The following FBXL13 variants were observed in gnomAD, a reference collection of about 807,000 sequenced individuals.
FBXL13 encodes the protein F-box and leucine rich repeat protein 13.
FBXL13 carries 67 observed loss-of-function variants against 83.6 expected under a neutral mutation model. That is an observed-to-expected ratio of 0.80 (90% CI 0.66 to 0.98). The LOEUF (loss-of-function observed/expected upper bound fraction) is 0.98, where lower values mean the gene tolerates loss of function less well. Among genes scored for constraint, FBXL13 ranks in the 50% least tolerant of loss-of-function variants. The probability of loss-of-function intolerance (pLI) is 0.00; values close to 1 mark genes in which losing one functional copy is unlikely to be tolerated. For synonymous variants in FBXL13, 272 were observed against 299.5 expected, an observed-to-expected ratio of 0.91 and a Z score of 0.95; for missense variants, 822 against 866.5, an observed-to-expected ratio of 0.95 and a Z score of 0.64.
In FBXL13 at chr7:102,915,984, C is replaced by CT. The variant is rs1167962491; in HGVS notation, c.879-2770dup. Among the ~76,000 whole-genome samples the CT allele has an allele frequency of 3.1e-3, 448 of 143,944 alleles. 7 individuals carry two copies. The East Asian group carries it at 0.043, about 14-fold the overall frequency. 94.4% of individuals were successfully genotyped at this position (143,944 alleles called of 152,430 possible). On this transcript the variant is annotated intron_variant, in intron 10 of 19. Coordinates refer to ENST00000313221, the Ensembl canonical transcript of FBXL13. ...TAATAAAAGTAGAGATGAGTTTCTTCTTTTTTTTTTTTTGTTTGAGACGGA... is the reference window on the plus strand; with the variant it reads ...TAATAAAAGTAGAGATGAGTTTCTTCTTTTTTTTTTTTTTGTTTGAGACGGA...
intron 2 of FBXL13, among the ~76,000 whole-genome samples, chr7:103,050,563 A>G (rs1200731084): frequency 1.3e-5 from 2 of 152,152 alleles, no homozygotes; most frequent in Admixed American, 1.3e-4. Context: ...GTTTCAACAC[A>G]TGGTCTCTGG....
At chr7:102,833,076 A>G (rs1801002306) in intron 17 of FBXL13, 102 bp from the exon 19 acceptor site, 6 of 1,256,876 alleles carry the variant, frequency 4.8e-6, no homozygotes, top group Admixed American at 2.5e-5. Flanking sequence ...CCTGAAATAC[A>G]GATGTTAGAT....
chr7:102,922,773 C>A (rs578140470), intron 10 of FBXL13, among the ~76,000 whole-genome samples: 2 of 151,978 alleles, frequency 1.3e-5, no homozygotes, highest in Admixed American at 6.6e-5. Context: ...GAGATCGAGA[C>A]CATCCTGGCT....
At chr7:102,872,528 C>T (rs780598365) in intron 16 of FBXL13, among the ~76,000 whole-genome samples, 1 of 152,204 alleles carries the variant, frequency 6.6e-6, no homozygotes, top group Non-Finnish European at 1.5e-5. Context: ...TGGGACACTG[C>T]CGTGACTCAC....
At chr7:102,936,293 G>A (rs1184657351) in intron 8 of FBXL13, 1 of 152,228 alleles carries the variant, frequency 6.6e-6, no homozygotes, top group African/African-American at 2.4e-5. Flanking sequence ...GGCTCAAAGA[G>A]GTTCAGTCAC....
chr7:102,903,795 T>A (rs113811348), intron 11 of FBXL13, among the ~76,000 whole-genome samples: 5 of 152,070 alleles, frequency 3.3e-5, no homozygotes, highest in African/African-American at 1.2e-4. Flanking sequence ...TGTTGAACCA[T>A]CCTTGCATCC....
At chr7:102,996,971 T>C (rs1177725178) in intron 6 of FBXL13, among the ~76,000 whole-genome samples, 3 of 152,224 alleles carry the variant, frequency 2.0e-5, no homozygotes, top group African/African-American at 7.2e-5. Flanking sequence ...ATATTGATAG[T>C]TGAAGACAGT....
intron 10 of FBXL13, among the ~76,000 whole-genome samples, chr7:102,921,285 A>C (rs1816960641): frequency 6.6e-6 from 1 of 152,258 alleles, no homozygotes; most frequent in South Asian, 2.1e-4. Context: ...AATAACATCA[A>C]AATAAAGAGA....
Position 103,005,021 on chromosome 7 carries a change from T to C in FBXL13, c.495+20042A>G, listed in dbSNP as rs182905025. Among the ~76,000 whole-genome samples, 21 of 152,366 alleles carry C rather than the reference T, an allele frequency of 1.4e-4. No homozygotes were observed. The East Asian group carries it at 3.3e-3, about 24-fold the overall frequency. On this transcript the variant is annotated intron_variant, in intron 6 of 19. Transcript: ENST00000313221. Reference sequence around the variant, plus strand: ...CTAGACCTCCAGGTATGACTCAGTATAGGTCAACAACTGAGTACCTTGGTT... The same window carrying C: ...CTAGACCTCCAGGTATGACTCAGTACAGGTCAACAACTGAGTACCTTGGTT...
chr7:102,953,861 T>C (rs1368702059), intron 8 of FBXL13, among the ~76,000 whole-genome samples: 1 of 152,162 alleles, frequency 6.6e-6, no homozygotes, highest in African/African-American at 2.4e-5. Context: ...ATGTATTTAA[T>C]AGTATATTTT....
intron 17 of FBXL13, among the ~76,000 whole-genome samples, chr7:102,834,093 A>AG (rs1801322273): frequency 3.5e-5 from 3 of 86,346 alleles, no homozygotes; most frequent in Non-Finnish European, 6.8e-5. Context: ...AAGAAAAGAA[A>AG]GAAAGAAAGA....
At chr7:102,984,864 T>A (rs1828757941) in intron 6 of FBXL13, among the ~76,000 whole-genome samples, 1 of 152,236 alleles carries the variant, frequency 6.6e-6, no homozygotes, top group Non-Finnish European at 1.5e-5. Flanking sequence ...CCAATTAAAT[T>A]TGTATTTCTG....
chr7:102,996,150 T>C (rs553417341), intron 6 of FBXL13, among the ~76,000 whole-genome samples: 3 of 152,342 alleles, frequency 2.0e-5, no homozygotes, highest in African/African-American at 7.2e-5. Flanking sequence ...TTAATCAATA[T>C]ATTGTCAAAC....
chr7:102,933,958 G>T (rs568793708), intron 8 of FBXL13: 1 of 1,613,538 alleles, frequency 6.2e-7, no homozygotes, highest in Admixed American at 1.7e-5. Context: ...TTTGCAAAGC[G>T]GCTGAGCTGC....
chr7:103,015,614 T>C lies in FBXL13; in HGVS notation c.495+9449A>G, dbSNP rs1486507654. Among the ~76,000 whole-genome samples the C allele has an allele frequency of 2.6e-5, 4 of 152,108 alleles. No individual in the cohort carries two copies. The East Asian group carries it at 7.7e-4, about 29-fold the overall frequency. On this transcript the variant is annotated intron_variant, in intron 6 of 19. Transcript: ENST00000313221. ...GGAGTTTGGACCAGCCTGGCCAATATAGCTAAACCCCGTCTCTACTAAAAA... is the reference window on the plus strand; with the variant it reads ...GGAGTTTGGACCAGCCTGGCCAATACAGCTAAACCCCGTCTCTACTAAAAA...
chr7:102,832,774 C>T (rs1041384462), intron 18 of FBXL13, 66 bp downstream of exon 19: 1 of 1,586,054 alleles, frequency 6.3e-7, no homozygotes, highest in African/African-American at 1.3e-5. Flanking sequence ...GCCCTGATCG[C>T]TGTCCTGCCT....
intron 8 of FBXL13, among the ~76,000 whole-genome samples, chr7:102,953,135 A>C (rs1209334033): frequency 6.6e-6 from 1 of 152,204 alleles, no homozygotes; most frequent in Non-Finnish European, 1.5e-5. Flanking sequence ...AGAAGGAAAA[A>C]ATACCTCCTA....
At chr7:103,005,647 G>A (rs894492948) in intron 6 of FBXL13, among the ~76,000 whole-genome samples, 1 of 152,164 alleles carries the variant, frequency 6.6e-6, no homozygotes, top group Non-Finnish European at 1.5e-5. Flanking sequence ...GGCAGAGAGA[G>A]AGCTCTGGTG....
intron 10 of FBXL13, among the ~76,000 whole-genome samples, chr7:102,919,145 G>A (rs970436179): frequency 2.0e-5 from 3 of 152,202 alleles, no homozygotes; most frequent in Admixed American, 6.5e-5. Context: ...GCTTAAAATC[G>A]GCCACAGTGG....
Sources: allele counts gnomAD v4.1 joint callset (sites outside exome capture counted in the v4.1 genomes callset), GRCh38; gene constraint gnomAD v4.1.1; transcripts MANE v1.5; gene names NCBI Gene and HGNC (gene_info 2026-07-23, HGNC 2026-07-21).